Variants in KCNG3 observed in about 807,000 individuals in gnomAD.
The protein encoded by KCNG3 is voltage-gated potassium channel regulatory subunit KCNG3.
KCNG3 carries 15 observed loss-of-function variants against 29.0 expected under a neutral mutation model. The ratio of observed to expected loss-of-function variants is 0.52; its 90% CI spans 0.35 to 0.80. The LOEUF is 0.80. KCNG3 is among the 30% of genes least tolerant of loss of function. The pLI, the probability that KCNG3 is intolerant of heterozygous loss-of-function variation, is 0.01. For missense variants in KCNG3, 512 were observed against 605.7 expected, an observed-to-expected ratio of 0.85 and a Z score of 1.62; for synonymous variants, 322 against 248.9, an observed-to-expected ratio of 1.29 and a Z score of -2.76.
At chr2:42,436,396 T>G in the KCNG3 span, among the ~76,000 whole-genome samples, 1 of 152,240 alleles carries the variant, frequency 6.6e-6, no homozygotes, top group East Asian at 1.9e-4. Flanking sequence ...ATGTCTCATC[T>G]TTTTTAAAAA....
chr2:42,487,712 G>C (rs191327175), intron 1 of KCNG3, among the ~76,000 whole-genome samples: 1 of 152,300 alleles, frequency 6.6e-6, no homozygotes, highest in African/African-American at 2.4e-5. Flanking sequence ...GGAATTATCT[G>C]TGAAAATTAC....
chr2:42,482,021 A>G (rs1250434121), intron 1 of KCNG3, among the ~76,000 whole-genome samples: 4 of 152,108 alleles, frequency 2.6e-5, no homozygotes, highest in Non-Finnish European at 4.4e-5. Flanking sequence ...ATGGGATCTC[A>G]CTATGTTGCC....
At chr2:42,430,531 C>A in the KCNG3 span, among the ~76,000 whole-genome samples, 1 of 151,094 alleles carries the variant, frequency 6.6e-6, no homozygotes, top group Non-Finnish European at 1.5e-5. Context: ...AGGAAGATCA[C>A]TTGGGCCCGG....
the KCNG3 span, among the ~76,000 whole-genome samples, chr2:42,432,346 G>T: frequency 0.012 from 1,902 of 152,280 alleles, 36 homozygotes; most frequent in African/African-American, 0.044. Context: ...GTAATTCAGT[G>T]GTACTTGTGC....
At chr2:42,391,671 C>T in the KCNG3 span, among the ~76,000 whole-genome samples, 1 of 129,962 alleles carries the variant, frequency 7.7e-6, no homozygotes, top group Non-Finnish European at 1.6e-5. Flanking sequence ...GGCGGGATCT[C>T]GGCTCACTGC....
Position 42,492,992 on chromosome 2 carries a change from C to T in KCNG3, c.510G>A (p.Ala170=), listed in dbSNP as rs1335647849. The change falls in exon 1 of 2, where the codon GCG becomes GCA. Residue 170 remains alanine (A), a synonymous_variant. Transcript: ENST00000306078. The part of the protein sequence containing the change: ...TFEEPTSSLA[A]QILASVSVVF... The stretch of plus-strand genomic sequence containing the variant: ...CCACCGACACGCTAGCCAGGATCTG[C>T]GCGGCCAGCGACGACGTGGGCTCCT... The T allele has an allele frequency of 5.2e-6, 8 of 1,537,858 alleles. No homozygotes were observed. The Admixed American group carries it at 1.4e-4, about 27-fold the overall frequency.
At chr2:42,388,419 G>A in the KCNG3 span, 2 of 152,140 alleles carry the variant, frequency 1.3e-5, no homozygotes, top group Non-Finnish European at 2.9e-5. Context: ...AAATAACAGA[G>A]AGCAAAAACA....
At chr2:42,454,384 TAAAG>T (rs759752388) in intron 1 of KCNG3, among the ~76,000 whole-genome samples, 1 of 152,096 alleles carries the variant, frequency 6.6e-6, no homozygotes, top group Non-Finnish European at 1.5e-5. Flanking sequence ...AAAGAATAAA[TAAAG>T]AATCTATTTG....
In KCNG3 at chr2:42,492,834, T is replaced by G; in HGVS notation, c.665+3A>C. The G allele has an allele frequency of 6.7e-7, 1 of 1,488,512 alleles. No homozygotes were observed. The highest frequency in any genetic ancestry group is 8.9e-7 in the Non-Finnish European group (1 of 1,122,734). The allele number at this position is 1,488,512 out of a possible 1,614,324, so 92.2% of individuals were successfully genotyped here. On this transcript the variant is annotated splice_donor_region_variant and intron_variant, in intron 1 of 1. Coordinates refer to ENST00000306078, the MANE Select transcript of KCNG3 (RefSeq NM_133329.6). ...GGACGGGTAGAGAAGCAGTGCGTCCTACCCGGAGGGCTCCCTCCCAGGGCC... is the reference window on the plus strand; with the variant it reads ...GGACGGGTAGAGAAGCAGTGCGTCCGACCCGGAGGGCTCCCTCCCAGGGCC...
chr2:42,437,090 T>C (rs1320750964), downstream of KCNG3, among the ~76,000 whole-genome samples: 1 of 152,192 alleles, frequency 6.6e-6, no homozygotes, highest in Non-Finnish European at 1.5e-5. Context: ...GAAACCTATC[T>C]ATTACATGAA....
intron 1 of KCNG3, among the ~76,000 whole-genome samples, chr2:42,473,188 G>C (rs969016550): frequency 6.6e-6 from 1 of 151,580 alleles, no homozygotes. Flanking sequence ...GAGCCACCGC[G>C]TCCGGCCCTC....
the KCNG3 span, among the ~76,000 whole-genome samples, chr2:42,410,439 C>T: frequency 6.6e-6 from 1 of 152,144 alleles, no homozygotes; most frequent in South Asian, 2.1e-4. Flanking sequence ...TTCCCCAAAG[C>T]TTTACCTATG....
the KCNG3 span, chr2:42,415,479 A>G: frequency 1.3e-5 from 2 of 152,210 alleles, no homozygotes; most frequent in Non-Finnish European, 2.9e-5. Context: ...GAATGGCAAC[A>G]TACCAGATAA....
At chr2:42,441,575 T>G (rs1672478579), downstream of KCNG3, among the ~76,000 whole-genome samples, 1 of 151,918 alleles carries the variant, frequency 6.6e-6, no homozygotes. Context: ...TAACTGCCAC[T>G]AGTATTTACC....
At chr2:42,481,225 G>C (rs1481583764) in intron 1 of KCNG3, among the ~76,000 whole-genome samples, 1 of 152,172 alleles carries the variant, frequency 6.6e-6, no homozygotes, top group Non-Finnish European at 1.5e-5. Context: ...AGAGACCCTT[G>C]TCATACCATG....
intron 1 of KCNG3, among the ~76,000 whole-genome samples, chr2:42,481,720 C>T (rs1673589148): frequency 6.6e-6 from 1 of 152,108 alleles, no homozygotes; most frequent in Non-Finnish European, 1.5e-5. Context: ...TCCTGTTGCT[C>T]CAATTGACCA....
the KCNG3 span, among the ~76,000 whole-genome samples, chr2:42,407,998 C>A: frequency 6.6e-6 from 1 of 152,212 alleles, no homozygotes. Context: ...GCTGTTGGTG[C>A]CCACGCCGAT....
intron 1 of KCNG3, among the ~76,000 whole-genome samples, chr2:42,460,820 T>C (rs1672995962): frequency 6.6e-6 from 1 of 151,834 alleles, no homozygotes; most frequent in Admixed American, 6.6e-5. Context: ...CCCCAAAACA[T>C]CTTACAAAAA....
the KCNG3 span, among the ~76,000 whole-genome samples, chr2:42,406,724 G>A: frequency 2.0e-5 from 3 of 151,430 alleles, no homozygotes; most frequent in Non-Finnish European, 4.4e-5. Flanking sequence ...ATACTTGGGG[G>A]GCTGAGGCAG....
Sources: allele counts gnomAD v4.1 joint callset (sites outside exome capture counted in the v4.1 genomes callset), GRCh38; gene constraint gnomAD v4.1.1; transcripts MANE v1.5; gene names NCBI Gene and HGNC (gene_info 2026-07-23, HGNC 2026-07-21).